Variants in HHAT observed in about 807,000 individuals in gnomAD.
The protein encoded by HHAT is hedgehog acyltransferase, also known as protein-cysteine N-palmitoyltransferase HHAT.
Under a neutral mutation model 70.8 loss-of-function variants are expected in HHAT, and 47 were observed. The observed-to-expected ratio is 0.66, with a 90% CI of 0.53 to 0.85. The LOEUF (loss-of-function observed/expected upper bound fraction) is 0.85, where lower values mean the gene tolerates loss of function less well. Ranked by LOEUF, HHAT falls within the 40% of genes least tolerant of loss-of-function variation. HHAT has a pLI of 0.00. For missense variants in HHAT, 609 were observed against 604.8 expected (o/e 1.01, Z -0.07); for synonymous variants, 228 against 247.6 (o/e 0.92, Z 0.74).
chr1:210,461,323 A>C (rs1341679940), intron 7 of HHAT, among the ~76,000 whole-genome samples: 1 of 152,190 alleles, frequency 6.6e-6, no homozygotes, highest in African/African-American at 2.4e-5. Flanking sequence ...TTTTTGAGAC[A>C]GAGTCTCACC....
intron 9 of HHAT, among the ~76,000 whole-genome samples, chr1:210,558,684 A>G (rs1196124754): frequency 1.3e-5 from 2 of 152,162 alleles, no homozygotes; most frequent in Non-Finnish European, 2.9e-5. Flanking sequence ...GAAATGTTTT[A>G]TTTCCAAATG....
At chr1:210,619,074 G>T (rs574969685) in intron 10 of HHAT, among the ~76,000 whole-genome samples, 2 of 152,292 alleles carry the variant, frequency 1.3e-5, no homozygotes, top group Non-Finnish European at 2.9e-5. Context: ...GGAATTGGAG[G>T]TCTGCCCTAG....
At chr1:210,350,746 T>G (rs576854721) in intron 2 of HHAT, among the ~76,000 whole-genome samples, 530 of 152,318 alleles carry the variant, frequency 3.5e-3, no homozygotes, top group Non-Finnish European at 5.7e-3. Context: ...CCTTTTCTTT[T>G]TTGTTGTTGT....
intron 7 of HHAT, among the ~76,000 whole-genome samples, chr1:210,431,791 A>G (rs1425410712): frequency 6.6e-6 from 1 of 151,832 alleles, no homozygotes; most frequent in Non-Finnish European, 1.5e-5. Context: ...GACTGGGGGA[A>G]GAGAGTTGTT....
chr1:210,430,902 A>G (rs901633194), intron 7 of HHAT, among the ~76,000 whole-genome samples: 1 of 151,664 alleles, frequency 6.6e-6, no homozygotes, highest in Non-Finnish European at 1.5e-5. Flanking sequence ...TTCCTTGCAT[A>G]TTCTTTCAAG....
intron 10 of HHAT, among the ~76,000 whole-genome samples, chr1:210,611,139 C>T (rs1666491306): frequency 6.6e-6 from 1 of 152,186 alleles, no homozygotes; most frequent in South Asian, 2.1e-4. Flanking sequence ...TTATTCCTAT[C>T]CATGAGCATG....
chr1:210,401,590 T>C (rs559596060), intron 5 of HHAT, among the ~76,000 whole-genome samples: 2 of 152,358 alleles, frequency 1.3e-5, no homozygotes, highest in Admixed American at 1.3e-4. Context: ...AGGAGGACAC[T>C]GGGCTCAAAC....
intron 4 of HHAT, among the ~76,000 whole-genome samples, chr1:210,394,992 T>A (rs2091699225): frequency 1.3e-5 from 2 of 150,302 alleles, no homozygotes; most frequent in Admixed American, 1.3e-4. Context: ...AGATTATATA[T>A]ACATATGTAT....
chr1:210,625,325 G>T (rs1164411970), intron 11 of HHAT, among the ~76,000 whole-genome samples: 1 of 152,190 alleles, frequency 6.6e-6, no homozygotes, highest in Non-Finnish European at 1.5e-5. Flanking sequence ...TTGTGACTTG[G>T]TGGGGGGAAA....
At chr1:210,449,756 C>A (rs1394680137) in intron 7 of HHAT, among the ~76,000 whole-genome samples, 1 of 152,170 alleles carries the variant, frequency 6.6e-6, no homozygotes, top group Non-Finnish European at 1.5e-5. Context: ...GCTGACCTTC[C>A]TCAAATGTAA....
Position 210,482,447 on chromosome 1 carries a change from T to C in HHAT, c.1007+17792T>C, listed in dbSNP as rs865800375. On this transcript the variant is annotated intron_variant, in intron 8 of 11. Transcript: ENST00000261458. ...CATTATTAGCCTTACACGTTCAAAT[T>C]ATTTTAAACACAGGGTGCCAGTAAT... Among the ~76,000 whole-genome samples the C allele has an allele frequency of 9.2e-5, 14 of 152,336 alleles. No homozygotes were observed. The Middle Eastern group carries it at 0.017, about 185-fold the overall frequency.
intron 7 of HHAT, among the ~76,000 whole-genome samples, chr1:210,427,496 T>C (rs2093100694): frequency 1.3e-5 from 2 of 152,162 alleles, no homozygotes; most frequent in African/African-American, 4.8e-5. Context: ...GACTGTGGTA[T>C]GTTGTATTTT....
chr1:210,562,477 C>T (rs2148711660), intron 9 of HHAT, among the ~76,000 whole-genome samples: 1 of 152,010 alleles, frequency 6.6e-6, no homozygotes, highest in African/African-American at 2.4e-5. Flanking sequence ...GAGCGGGGCT[C>T]CTTGCTTGCT....
intron 9 of HHAT, among the ~76,000 whole-genome samples, chr1:210,572,737 T>TA (rs1247829606): frequency 3.1e-4 from 47 of 150,610 alleles, no homozygotes; most frequent in East Asian, 1.4e-3. Flanking sequence ...CTAAAATATA[T>TA]AAAAAAAAAT....
intron 8 of HHAT, among the ~76,000 whole-genome samples, chr1:210,471,859 T>C (rs1308729639): frequency 6.6e-6 from 1 of 152,208 alleles, no homozygotes; most frequent in East Asian, 1.9e-4. Flanking sequence ...AACAAAATTC[T>C]CCTAGCAATT....
chr1:210,646,555 T>C (rs1206920300), intron 11 of HHAT, among the ~76,000 whole-genome samples: 1 of 152,182 alleles, frequency 6.6e-6, no homozygotes, highest in Non-Finnish European at 1.5e-5. Context: ...AAAATTACAA[T>C]ATCTCTTGGA....
At chr1:210,599,462 AC>A (rs1410467844) in intron 10 of HHAT, among the ~76,000 whole-genome samples, 3 of 151,852 alleles carry the variant, frequency 2.0e-5, no homozygotes, top group African/African-American at 7.3e-5. Flanking sequence ...GGAGCTCGTG[AC>A]CCCCTGCCTC....
At chr1:210,637,858 C>CGAAA (rs1672172488) in intron 11 of HHAT, among the ~76,000 whole-genome samples, 1 of 116,394 alleles carries the variant, frequency 8.6e-6, no homozygotes, top group Admixed American at 9.0e-5. Flanking sequence ...GACTCCGTCT[C>CGAAA]AAAAAAAAAA....
intron 7 of HHAT, among the ~76,000 whole-genome samples, chr1:210,437,231 G>T (rs533320688): frequency 6.6e-6 from 1 of 151,812 alleles, no homozygotes; most frequent in Non-Finnish European, 1.5e-5. Context: ...TTGAATGATG[G>T]GATAAGACTA....
Sources: allele counts gnomAD v4.1 joint callset (sites outside exome capture counted in the v4.1 genomes callset), GRCh38; gene constraint gnomAD v4.1.1; transcripts MANE v1.5; gene names NCBI Gene and HGNC (gene_info 2026-07-23, HGNC 2026-07-21).